Variants in SUGCT observed in about 807,000 individuals in gnomAD.
SUGCT encodes the protein succinyl-CoA:glutarate-CoA transferase.
In SUGCT, 41 loss-of-function variants were observed where a neutral mutation model predicts 55.0. The ratio of observed to expected loss-of-function variants is 0.74; its 90% CI spans 0.58 to 0.97. The LOEUF is 0.97. Among genes scored for constraint, SUGCT ranks in the 50% least tolerant of loss-of-function variants. SUGCT has a pLI of 0.00. For missense variants in SUGCT, 568 were observed against 547.8 expected (o/e 1.04, Z -0.37); for synonymous variants, 187 against 200.4 (o/e 0.93, Z 0.56).
intron 8 of SUGCT, among the ~76,000 whole-genome samples, chr7:40,314,587 A>T (rs1263231450): frequency 9.0e-6 from 1 of 111,128 alleles, no homozygotes; most frequent in African/African-American, 3.1e-5. Flanking sequence ...TTTTTAAGAC[A>T]GAGTTTCGCT....
intron 12 of SUGCT, among the ~76,000 whole-genome samples, chr7:40,622,490 T>C (rs1223791691): frequency 2.0e-5 from 3 of 151,678 alleles, no homozygotes; most frequent in Non-Finnish European, 4.4e-5. Context: ...CTTTTTTCAT[T>C]GATCTCAGAC....
intron 12 of SUGCT, among the ~76,000 whole-genome samples, chr7:40,738,663 A>T (rs1474895009): frequency 6.6e-6 from 1 of 152,216 alleles, no homozygotes; most frequent in East Asian, 1.9e-4. Context: ...AAAATTGTAC[A>T]AGTAACAAAC....
intron 13 of SUGCT, among the ~76,000 whole-genome samples, chr7:40,796,801 C>T (rs184321829): frequency 6.6e-6 from 1 of 152,240 alleles, no homozygotes; most frequent in East Asian, 1.9e-4. Flanking sequence ...TGACTTTATG[C>T]TGTTAATCTA....
At chr7:40,329,704 T>C (rs529931561) in intron 9 of SUGCT, among the ~76,000 whole-genome samples, 1 of 152,104 alleles carries the variant, frequency 6.6e-6, no homozygotes, top group African/African-American at 2.4e-5. Context: ...CACAGGTGAT[T>C]TGTTTTCCTT....
chr7:40,489,663 G>C (rs1000898136), intron 11 of SUGCT, among the ~76,000 whole-genome samples: 5 of 152,140 alleles, frequency 3.3e-5, no homozygotes, highest in Non-Finnish European at 7.4e-5. Flanking sequence ...CCTGGTGACA[G>C]AGCGAGACTC....
chr7:40,409,230 A>G (rs909243784), intron 9 of SUGCT, among the ~76,000 whole-genome samples: 1 of 152,014 alleles, frequency 6.6e-6, no homozygotes, highest in Non-Finnish European at 1.5e-5. Context: ...TGCTGGGATT[A>G]CAGGTGTGAG....
At position 40,813,402 on chromosome 7, in the gene SUGCT, T is replaced by A. The variant is rs149018889; in HGVS notation, c.1154-46914T>A. The stretch of plus-strand genomic sequence containing the variant: ...TGAATCTGGGTGGTCCAATGTTGGA[T>A]GTATATATATTTAGGATAGTTAAAT... On this transcript the variant is annotated intron_variant, in intron 13 of 13. Transcript: ENST00000335693. Among the ~76,000 whole-genome samples the A allele has an allele frequency of 1.4e-4, 22 of 152,332 alleles. No individual in the cohort carries two copies. In the East Asian group the frequency reaches 1.7e-3, roughly 12 times the overall value.
intron 9 of SUGCT, among the ~76,000 whole-genome samples, chr7:40,423,432 C>T (rs1787418549): frequency 6.6e-6 from 1 of 152,018 alleles, no homozygotes; most frequent in Non-Finnish European, 1.5e-5. Flanking sequence ...ATATATTTAT[C>T]AATTTAAGTA....
chr7:40,376,927 A>G (rs536923483), intron 9 of SUGCT, among the ~76,000 whole-genome samples: 105 of 151,698 alleles, frequency 6.9e-4, no homozygotes, highest in African/African-American at 2.5e-3. Flanking sequence ...CTGCATGTAG[A>G]ACTCCAGTTT....
chr7:40,765,318 A>T (rs1432405089), intron 13 of SUGCT, among the ~76,000 whole-genome samples: 2 of 152,112 alleles, frequency 1.3e-5, no homozygotes, highest in Non-Finnish European at 2.9e-5. Context: ...GGTATTTTCT[A>T]TGGAATTGGA....
At chr7:40,468,896 G>A (rs570085267) in intron 11 of SUGCT, among the ~76,000 whole-genome samples, 52 of 152,120 alleles carry the variant, frequency 3.4e-4, no homozygotes, top group Non-Finnish European at 4.3e-4. Flanking sequence ...GGCTGCCTAA[G>A]GTAAGTGAAG....
chr7:40,887,563 G>A, the SUGCT span, among the ~76,000 whole-genome samples: 15 of 152,184 alleles, frequency 9.9e-5, no homozygotes, highest in African/African-American at 3.6e-4. Flanking sequence ...GCCAACAGTG[G>A]TAGTATTGAC....
chr7:41,019,236 G>C, the SUGCT span, among the ~76,000 whole-genome samples: 224 of 152,306 alleles, frequency 1.5e-3, no homozygotes, highest in African/African-American at 5.1e-3. Context: ...GGACAACTGT[G>C]AAGTTGTTGG....
chr7:40,781,332 A>G (rs1459959261), intron 13 of SUGCT, among the ~76,000 whole-genome samples: 2 of 152,316 alleles, frequency 1.3e-5, no homozygotes, highest in African/African-American at 2.4e-5. Context: ...ATAAAATGAT[A>G]GCGATGGAAA....
At chr7:40,351,795 C>T (rs1797648075) in intron 9 of SUGCT, among the ~76,000 whole-genome samples, 1 of 152,124 alleles carries the variant, frequency 6.6e-6, no homozygotes, top group Non-Finnish European at 1.5e-5. Flanking sequence ...ATTTGCTACT[C>T]TTGTATGGCT....
the SUGCT span, among the ~76,000 whole-genome samples, chr7:41,032,247 T>C: frequency 6.6e-6 from 1 of 152,182 alleles, no homozygotes; most frequent in South Asian, 2.1e-4. Context: ...CTAGTACCCA[T>C]GTGCATCTTT....
At chr7:40,164,124 A>AATTT (rs768531093) in intron 1 of SUGCT, among the ~76,000 whole-genome samples, 3 of 58,674 alleles carry the variant, frequency 5.1e-5, no homozygotes, top group Non-Finnish European at 9.6e-5. Flanking sequence ...CTGACCCTTG[A>AATTT]CTTTTTTTTT....
intron 12 of SUGCT, among the ~76,000 whole-genome samples, chr7:40,575,057 G>C (rs1796654462): frequency 7.2e-6 from 1 of 139,504 alleles, no homozygotes; most frequent in African/African-American, 2.7e-5. Flanking sequence ...TCATTAAGCA[G>C]ATTTTTTTCA....
At chr7:40,148,105 A>T (rs1788358932) in intron 1 of SUGCT, among the ~76,000 whole-genome samples, 1 of 151,506 alleles carries the variant, frequency 6.6e-6, no homozygotes, top group African/African-American at 2.4e-5. Flanking sequence ...TTTGGCGGGA[A>T]AAATGGTTAT....
Sources: allele counts gnomAD v4.1 joint callset (sites outside exome capture counted in the v4.1 genomes callset), GRCh38; gene constraint gnomAD v4.1.1; transcripts MANE v1.5; gene names NCBI Gene and HGNC (gene_info 2026-07-23, HGNC 2026-07-21).